The following RAPGEF5 variants were observed in gnomAD, a reference collection of about 807,000 sequenced individuals.
RAPGEF5 encodes the protein M-Ras-regulated GEF.
RAPGEF5 carries 65 observed loss-of-function variants against 125.2 expected under a neutral mutation model. That is an observed-to-expected ratio of 0.52 (90% confidence interval 0.43 to 0.64). The LOEUF is 0.64. RAPGEF5 is among the 30% of genes least tolerant of loss of function. RAPGEF5 has a pLI of 0.00. For missense variants in RAPGEF5, 958 were observed against 1,048.1 expected (o/e 0.91, Z 1.19); for synonymous variants, 391 against 385.9 (o/e 1.01, Z -0.16).
chr7:22,125,672 C>T lies in RAPGEF5; in HGVS notation c.2482-14G>A, dbSNP rs1289318149. On this transcript the variant is annotated splice_polypyrimidine_tract_variant and intron_variant, in intron 24 of 25. Transcript: ENST00000665637. ...TGCGATCATATGCTGTAAAGTAGAA[C>T]AGGAAACACATCAATGGAAGGGTCG... The T allele has an allele frequency of 6.2e-7, 1 of 1,602,812 alleles. No homozygotes were observed. The highest frequency in any genetic ancestry group is 8.5e-7 in the Non-Finnish European group (1 of 1,170,016).
intron 1 of RAPGEF5, among the ~76,000 whole-genome samples, chr7:22,340,196 G>C (rs1393783977): frequency 4.6e-5 from 7 of 152,182 alleles, no homozygotes; most frequent in Admixed American, 2.6e-4. Flanking sequence ...GGAGTGCTGT[G>C]CTGGGAAACA....
At chr7:22,206,170 A>G (rs974306863) in intron 9 of RAPGEF5, among the ~76,000 whole-genome samples, 3 of 152,224 alleles carry the variant, frequency 2.0e-5, no homozygotes, top group African/African-American at 7.2e-5. Context: ...GACATCTAAT[A>G]TCTTAATTTA....
At chr7:22,140,590 C>T (rs1389989679) in intron 20 of RAPGEF5, among the ~76,000 whole-genome samples, 1 of 152,112 alleles carries the variant, frequency 6.6e-6, no homozygotes, top group African/African-American at 2.4e-5. Context: ...AACAAAATAG[C>T]TACTATAATA....
intron 3 of RAPGEF5, chr7:22,314,798 T>C (rs1783554599): frequency 1.2e-5 from 3 of 243,584 alleles, no homozygotes; most frequent in Non-Finnish European, 6.6e-6. Context: ...AATGAAAACA[T>C]GCACATCAAG....
At chr7:22,143,082 G>C (rs149955019) in intron 20 of RAPGEF5, among the ~76,000 whole-genome samples, 10 of 152,122 alleles carry the variant, frequency 6.6e-5, no homozygotes, top group Non-Finnish European at 1.5e-4. Context: ...CTTACTCCTT[G>C]GAACATTAAT....
At chr7:22,247,725 G>C (rs1786514377) in intron 7 of RAPGEF5, among the ~76,000 whole-genome samples, 1 of 149,878 alleles carries the variant, frequency 6.7e-6, no homozygotes. Context: ...AACCAACCTA[G>C]AGACCCATTA....
At chr7:22,144,561 G>A (rs1405282093) in intron 20 of RAPGEF5, among the ~76,000 whole-genome samples, 1 of 152,162 alleles carries the variant, frequency 6.6e-6, no homozygotes, top group African/African-American at 2.4e-5. Context: ...TAGAGCATGG[G>A]GTGCACCCAG....
chr7:22,225,391 A>G (rs1785894945), intron 8 of RAPGEF5, among the ~76,000 whole-genome samples: 1 of 152,204 alleles, frequency 6.6e-6, no homozygotes, highest in African/African-American at 2.4e-5. Flanking sequence ...TAACTTCTAG[A>G]TGCATTTTCA....
chr7:22,214,926 T>C (rs970711788), intron 9 of RAPGEF5, among the ~76,000 whole-genome samples: 2 of 152,194 alleles, frequency 1.3e-5, no homozygotes, highest in Non-Finnish European at 2.9e-5. Context: ...CACTATTCAG[T>C]CACTGTTCAG....
In RAPGEF5 at chr7:22,121,349, T is replaced by C. The variant is rs779778466; in HGVS notation, c.*1057A>G. 10 of 152,218 alleles carry C rather than the reference T, an allele frequency of 6.6e-5. No individual in the cohort carries two copies. The highest frequency in any genetic ancestry group is 1.3e-4 in the Non-Finnish European group (9 of 68,042). The allele number at this position is 152,218 out of a possible 1,614,324, so 9.4% of individuals were successfully genotyped here. A position where few individuals can be genotyped will look rare whatever the true frequency, so the allele number is the denominator to read the frequency against. Reference sequence around the variant, plus strand: ...TGGCTATTTCAGGGCATTTTTCATTTGCCAAAACACTAGTAATTACCACTA... The same window carrying C: ...TGGCTATTTCAGGGCATTTTTCATTCGCCAAAACACTAGTAATTACCACTA... On this transcript the variant is annotated 3_prime_UTR_variant, in exon 26 of 26. Transcript: ENST00000665637.
At chr7:22,244,191 T>C (rs1349970790) in intron 7 of RAPGEF5, among the ~76,000 whole-genome samples, 1 of 152,176 alleles carries the variant, frequency 6.6e-6, no homozygotes, top group Non-Finnish European at 1.5e-5. Context: ...TATACACATA[T>C]ACGTGTGTGT....
intron 4 of RAPGEF5, 23 bp from the exon 5 acceptor site, chr7:22,308,530 A>G: frequency 2.1e-6 from 3 of 1,455,110 alleles, no homozygotes; most frequent in Non-Finnish European, 2.8e-6. Context: ...AAAAATATAT[A>G]GATCAATTTT....
chr7:22,324,938 A>G (rs1245954010), intron 1 of RAPGEF5, among the ~76,000 whole-genome samples: 4 of 152,164 alleles, frequency 2.6e-5, no homozygotes, highest in Non-Finnish European at 5.9e-5. Context: ...CCTGTCTACA[A>G]AGTTCCTGCT....
chr7:22,351,990 G>A (rs1425312841), intron 1 of RAPGEF5, among the ~76,000 whole-genome samples: 2 of 152,184 alleles, frequency 1.3e-5, no homozygotes, highest in African/African-American at 2.4e-5. Context: ...AAGAGCACAG[G>A]CCATAAGAAC....
At chr7:22,151,530 C>T (rs1783629300) in intron 17 of RAPGEF5, among the ~76,000 whole-genome samples, 1 of 146,400 alleles carries the variant, frequency 6.8e-6, no homozygotes, top group Admixed American at 7.0e-5. Flanking sequence ...AGTGTGATCT[C>T]GGCTCACCGC....
chr7:22,234,260 A>G (rs959414374), intron 7 of RAPGEF5, among the ~76,000 whole-genome samples: 1 of 152,232 alleles, frequency 6.6e-6, no homozygotes, highest in African/African-American at 2.4e-5. Context: ...TATGCCTTCC[A>G]GTGGTGTGGC....
rs1782600328 is a variant in RAPGEF5, at chr7:22,122,207, G to T, written c.*199C>A. 1 of 534,448 alleles carries T rather than the reference G, an allele frequency of 1.9e-6. No homozygotes were observed. The highest frequency in any genetic ancestry group is 1.9e-5 in the African/African-American group (1 of 53,006). The allele number at this position is 534,448 out of a possible 1,614,324, so 33.1% of individuals were successfully genotyped here. On this transcript the variant is annotated 3_prime_UTR_variant, in exon 26 of 26. Transcript: ENST00000665637. ...CTCCTTCTGCCTTCTTGTCCCGAGA[G>T]TAGCATGGAGAAACCTCTCCCCCTC...
At chr7:22,127,210 T>C (rs551288410) in intron 24 of RAPGEF5, among the ~76,000 whole-genome samples, 1 of 152,054 alleles carries the variant, frequency 6.6e-6, no homozygotes, top group African/African-American at 2.4e-5. Context: ...AGCTAATTTT[T>C]ATATTTTTAG....
At chr7:22,245,413 CTA>C (rs1786450849) in intron 7 of RAPGEF5, among the ~76,000 whole-genome samples, 1 of 152,088 alleles carries the variant, frequency 6.6e-6, no homozygotes, top group Non-Finnish European at 1.5e-5. Flanking sequence ...AGATTTCCCC[CTA>C]TGTTTTCTTC....
Sources: allele counts gnomAD v4.1 joint callset (sites outside exome capture counted in the v4.1 genomes callset), GRCh38; gene constraint gnomAD v4.1.1; transcripts MANE v1.5; gene names NCBI Gene and HGNC (gene_info 2026-07-23, HGNC 2026-07-21).